Variants in DLG2 observed in about 807,000 individuals in gnomAD.
DLG2 encodes disks large homolog 2.
DLG2 carries 45 observed loss-of-function variants against 132.5 expected under a neutral mutation model. That is an observed-to-expected ratio of 0.34 (90% confidence interval 0.27 to 0.44). DLG2 has a LOEUF of 0.44. DLG2 is among the 20% of genes least tolerant of loss of function. The pLI is 1.00. For missense variants in DLG2, 1,045 were observed against 1,196.9 expected (o/e 0.87, Z 1.87); for synonymous variants, 424 against 419.6 (o/e 1.01, Z -0.13).
chr11:83,973,275 A>G (rs551679376), intron 12 of DLG2, among the ~76,000 whole-genome samples: 2 of 152,140 alleles, frequency 1.3e-5, no homozygotes, highest in African/African-American at 2.4e-5. Context: ...CAGCAACATG[A>G]TACTTACAGA....
rs1448817270 is a variant in DLG2 at position 83,542,483 on chromosome 11, G to A, written c.1941-625C>T. ...AATTAAAAAATCTATGCGTATGTGT[G>A]TGTATGGATAGACAAAAATCATATA... On this transcript the variant is annotated intron_variant, in intron 19 of 27. Coordinates refer to ENST00000376104, the MANE Select transcript of DLG2 (RefSeq NM_001142699.3). Among the ~76,000 whole-genome samples the A allele has an allele frequency of 3.3e-5, 5 of 152,146 alleles. No homozygotes were observed. The East Asian group carries it at 9.6e-4, about 29-fold the overall frequency.
intron 10 of DLG2, among the ~76,000 whole-genome samples, chr11:84,090,951 C>G (rs1323218260): frequency 6.6e-6 from 1 of 152,068 alleles, no homozygotes; most frequent in Non-Finnish European, 1.5e-5. Flanking sequence ...GGTCTCTGAA[C>G]TAAGGTTAAG....
At position 84,158,365 on chromosome 11, in the gene DLG2, T is replaced by C. The variant is rs572522475; in HGVS notation, c.624+5096A>G. Among the ~76,000 whole-genome samples the C allele has an allele frequency of 2.3e-3, 341 of 151,364 alleles. 1 individual carries two copies. Among genetic ancestry groups the C allele is most frequent in the Non-Finnish European group, 2.9e-3 (200 of 67,996 alleles). On this transcript the variant is annotated intron_variant, in intron 9 of 27. Transcript: ENST00000376104. ...GGCATGAGCCACCGCCCCTGGCCTA[T>C]TGTTGTTGTTTTCAAAGAGGCATAT...
intron 12 of DLG2, among the ~76,000 whole-genome samples, chr11:83,976,649 G>A (rs942265682): frequency 8.6e-5 from 13 of 151,774 alleles, no homozygotes; most frequent in African/African-American, 2.9e-4. Flanking sequence ...AGTATAAAAT[G>A]AATCATTTTC....
At chr11:83,918,700 A>G (rs1300093376) in intron 15 of DLG2, among the ~76,000 whole-genome samples, 2 of 152,146 alleles carry the variant, frequency 1.3e-5, no homozygotes, top group Non-Finnish European at 2.9e-5. Flanking sequence ...AAAGTGAAGT[A>G]AAGTCCCTGC....
chr11:83,774,288 A>G (rs1208596113), intron 18 of DLG2, among the ~76,000 whole-genome samples: 1 of 152,154 alleles, frequency 6.6e-6, no homozygotes, highest in Non-Finnish European at 1.5e-5. Context: ...TCTCCACATA[A>G]TAGCCACATT....
intron 18 of DLG2, among the ~76,000 whole-genome samples, chr11:83,695,775 T>A (rs2081810424): frequency 6.6e-6 from 1 of 151,982 alleles, no homozygotes; most frequent in Admixed American, 6.6e-5. Context: ...AAATCCCCTG[T>A]CTGTCTACCT....
At chr11:83,552,459 G>A (rs2096414212) in intron 19 of DLG2, among the ~76,000 whole-genome samples, 1 of 152,118 alleles carries the variant, frequency 6.6e-6, no homozygotes, top group Non-Finnish European at 1.5e-5. Flanking sequence ...ATAGGGTGCT[G>A]CTCTGGGATT....
At chr11:83,758,204 A>G (rs965812032) in intron 18 of DLG2, among the ~76,000 whole-genome samples, 2 of 152,098 alleles carry the variant, frequency 1.3e-5, no homozygotes, top group African/African-American at 4.8e-5. Flanking sequence ...TAATCTTCCA[A>G]ACCTGCCACT....
At chr11:83,943,816 T>C (rs1331325077) in intron 14 of DLG2, among the ~76,000 whole-genome samples, 1 of 152,230 alleles carries the variant, frequency 6.6e-6, no homozygotes, top group African/African-American at 2.4e-5. Flanking sequence ...CGCAAGCTTT[T>C]GGGCTAGAAG....
intron 7 of DLG2, among the ~76,000 whole-genome samples, chr11:84,391,041 C>T (rs567230883): frequency 6.6e-6 from 1 of 152,110 alleles, no homozygotes; most frequent in Non-Finnish European, 1.5e-5. Flanking sequence ...AACTGAGACA[C>T]GTGTCCCCAT....
chr11:84,605,464 C>T (rs7113567), intron 6 of DLG2, among the ~76,000 whole-genome samples: 40,817 of 151,480 alleles, frequency 0.27, 6,149 homozygotes, highest in African/African-American at 0.4. Flanking sequence ...TTTTAAAATA[C>T]TTATTAATCT....
intron 19 of DLG2, among the ~76,000 whole-genome samples, chr11:83,553,139 A>G (rs1263487439): frequency 6.6e-6 from 1 of 152,200 alleles, no homozygotes; most frequent in East Asian, 1.9e-4. Context: ...CTAAATTCAG[A>G]ACACAAACTG....
At chr11:85,586,762 C>CTCTTTGTT (rs1385524281) in intron 3 of DLG2, among the ~76,000 whole-genome samples, 2 of 151,844 alleles carry the variant, frequency 1.3e-5, no homozygotes, top group Admixed American at 6.6e-5. Context: ...TTCTTTGTTT[C>CTCTTTGTT]TCTAGTTCCT....
chr11:83,663,491 G>A (rs1212325889), intron 18 of DLG2, among the ~76,000 whole-genome samples: 2 of 152,180 alleles, frequency 1.3e-5, no homozygotes, highest in Non-Finnish European at 2.9e-5. Context: ...ATATGTATTA[G>A]GTCTGGCAAG....
chr11:84,793,334 T>C (rs1160124778), intron 6 of DLG2, among the ~76,000 whole-genome samples: 1 of 152,216 alleles, frequency 6.6e-6, no homozygotes, highest in Non-Finnish European at 1.5e-5. Flanking sequence ...CATATGGTCT[T>C]TGAGAATTAT....
intron 14 of DLG2, among the ~76,000 whole-genome samples, chr11:83,962,180 C>T (rs1285037161): frequency 6.6e-6 from 1 of 152,010 alleles, no homozygotes; most frequent in East Asian, 1.9e-4. Flanking sequence ...CATATGTATA[C>T]ATGTAATCTC....
chr11:84,173,364 A>G (rs1306769563), intron 8 of DLG2, among the ~76,000 whole-genome samples: 1 of 152,214 alleles, frequency 6.6e-6, no homozygotes, highest in Non-Finnish European at 1.5e-5. Context: ...AATGGTGTTA[A>G]GAACACAATT....
At chr11:83,743,429 AT>A (rs35572754) in intron 18 of DLG2, among the ~76,000 whole-genome samples, 64 of 103,790 alleles carry the variant, frequency 6.2e-4, no homozygotes, top group African/African-American at 1.3e-3. Context: ...TGGGCAGGCC[AT>A]TTTTTTTTTT....
Sources: gnomAD v4.1 joint callset for allele counts (sites outside exome capture counted in the v4.1 genomes callset) on GRCh38, gnomAD v4.1.1 for gene constraint, MANE v1.5 for transcripts, NCBI Gene and HGNC (gene_info 2026-07-23, HGNC 2026-07-21) for gene names.